PNPT1: variants seen among roughly 807,000 people sequenced by gnomAD.
PNPT1 encodes polyribonucleotide nucleotidyltransferase 1.
Under a neutral mutation model 119.5 loss-of-function variants are expected in PNPT1, and 53 were observed. The observed-to-expected ratio is 0.44, with a 90% CI of 0.36 to 0.56. The LOEUF is 0.56. Among genes scored for constraint, PNPT1 ranks in the 20% least tolerant of loss-of-function variants. The probability of loss-of-function intolerance (pLI) is 0.00; values close to 1 mark genes in which losing one functional copy is unlikely to be tolerated. For synonymous variants in PNPT1, 357 were observed against 322.1 expected (o/e 1.11, Z -1.16); for missense variants, 948 against 938.5 (o/e 1.01, Z -0.13).
intron 8 of PNPT1, among the ~76,000 whole-genome samples, 184 bp downstream of exon 8, chr2:55,679,495 GAAT>G (rs1697180365): frequency 6.6e-6 from 1 of 151,916 alleles, no homozygotes; most frequent in African/African-American, 2.4e-5. Flanking sequence ...AAATAAAATT[GAAT>G]AAAATCCTGT....
Position 55,660,333 on chromosome 2 carries a change from G to C in PNPT1, c.1248-140C>G, listed in dbSNP as rs371376687. 3.8e-5 allele frequency: 31 copies of C among 815,982 alleles called. No homozygotes were observed. In the African/African-American group the frequency reaches 5.1e-4, roughly 13 times the overall value. 50.5% of individuals were successfully genotyped at this position (815,982 alleles called of 1,614,324 possible). ...AATCAGACTGAAACTGAAAACCAAA[G>C]AATTAATTAGAAGGATGATTGTGAG... On this transcript the variant is annotated intron_variant, in intron 14 of 27. Transcript: ENST00000447944.
intron 10 of PNPT1, among the ~76,000 whole-genome samples, 185 bp downstream of exon 10, chr2:55,671,810 G>C (rs1009030895): frequency 2.6e-5 from 4 of 152,222 alleles, no homozygotes; most frequent in Non-Finnish European, 5.9e-5. Context: ...CTGGGCGACA[G>C]AGAGAGACTC....
chr2:55,691,676 C>T (rs1697604189), intron 1 of PNPT1, among the ~76,000 whole-genome samples: 1 of 151,828 alleles, frequency 6.6e-6, no homozygotes, highest in African/African-American at 2.4e-5. Context: ...ATGTTCTGGG[C>T]ATTTCTTTGA....
chr2:55,648,853 T>C (rs1237311323), intron 18 of PNPT1, among the ~76,000 whole-genome samples: 2 of 152,248 alleles, frequency 1.3e-5, no homozygotes, highest in Non-Finnish European at 2.9e-5. Context: ...GGGTTTTGCT[T>C]AGCAGAGCTT....
At chr2:55,681,890 C>A (rs1697259576) in intron 5 of PNPT1, among the ~76,000 whole-genome samples, 1 of 150,800 alleles carries the variant, frequency 6.6e-6, no homozygotes, top group African/African-American at 2.4e-5. Context: ...GCCTGTAATC[C>A]CAGCATGTTG....
At position 55,693,731 on chromosome 2, in the gene PNPT1, G is replaced by C; in HGVS notation, c.93C>G (p.Thr31=). The C allele has an allele frequency of 6.2e-7, 1 of 1,614,184 alleles. No individual in the cohort carries two copies. The highest frequency in any genetic ancestry group is 8.5e-7 in the Non-Finnish European group (1 of 1,180,042). ...FLLPRRDRAL[T]QLQVRALWSS... ...TCCATAGTGCTCGCACTTGCAACTG[G>C]GTGAGTGCCCGATCCCGCCGTGGCA... Residue 31 remains threonine (T), a synonymous_variant, in exon 1 of 28, where the codon ACC becomes ACG. Coordinates refer to ENST00000447944, the MANE Select transcript of PNPT1 (RefSeq NM_033109.5).
chr2:55,643,835 T>G (rs1050551773), intron 23 of PNPT1, among the ~76,000 whole-genome samples: 1 of 152,178 alleles, frequency 6.6e-6, no homozygotes, highest in East Asian at 1.9e-4. Context: ...GGTGGAGTTA[T>G]GCTGTATTTA....
chr2:55,666,922 T>C, intron 13 of PNPT1, 69 bp downstream of exon 13: 1 of 979,550 alleles, frequency 1.0e-6, no homozygotes, highest in South Asian at 1.7e-5. Flanking sequence ...CATCTACTAA[T>C]GTACTTCTAT....
Position 55,671,374 on chromosome 2 carries a change from A to G in PNPT1, c.921T>C (p.Val307=). 6.6e-7 allele frequency: 1 copy of G among 1,526,568 alleles called. No individual in the cohort carries two copies. Among genetic ancestry groups the G allele is most frequent in the Non-Finnish European group, 8.8e-7 (1 of 1,133,436 alleles). 94.6% of individuals were successfully genotyped at this position (1,526,568 alleles called of 1,614,324 possible). The change falls in exon 11 of 28, where the codon GTT becomes GTC. Residue 307 remains valine, a splice_region_variant and synonymous_variant. Coordinates refer to ENST00000447944, the MANE Select transcript of PNPT1 (RefSeq NM_033109.5). The stretch of plus-strand genomic sequence containing the variant: ...TTTTGTTAACAGCTTCATCTCTGGA[A>G]ACCTAAAAGAAAGTTGAGGTTCAGT... ...AVFTDYEHDK[V]SRDEAVNKIR...
intron 8 of PNPT1, among the ~76,000 whole-genome samples, chr2:55,676,262 CAAAAAAAAA>C (rs11400030): frequency 2.4e-5 from 2 of 82,852 alleles, no homozygotes; most frequent in East Asian, 4.4e-4. Context: ...CCATCTCAAC[CAAAAAAAAA>C]AAAAAAAAAA....
chr2:55,672,308 T>C (rs914495143), intron 9 of PNPT1, among the ~76,000 whole-genome samples: 2 of 152,216 alleles, frequency 1.3e-5, no homozygotes, highest in Non-Finnish European at 1.5e-5. Flanking sequence ...GTTCAATTAA[T>C]TTCACCTTTC....
At chr2:55,692,843 C>T (rs899088704) in intron 1 of PNPT1, among the ~76,000 whole-genome samples, 7 of 152,144 alleles carry the variant, frequency 4.6e-5, no homozygotes, top group Non-Finnish European at 8.8e-5. Flanking sequence ...TTCAAGTCAT[C>T]CTTCCGTCTT....
intron 24 of PNPT1, 25 bp downstream of exon 24, chr2:55,643,294 C>A (rs372852001): frequency 2.2e-5 from 35 of 1,610,976 alleles, no homozygotes; most frequent in Non-Finnish European, 3.0e-5. Flanking sequence ...CTATATGATA[C>A]GTAATTAATA....
chr2:55,691,949 C>T (rs1227074792), intron 1 of PNPT1, among the ~76,000 whole-genome samples: 8 of 139,722 alleles, frequency 5.7e-5, no homozygotes, highest in African/African-American at 1.9e-4. Context: ...TGCAATGGCA[C>T]GATCTCTGCC....
rs1412893560 is a variant in PNPT1, at chr2:55,656,054, C to T, written c.1441+77G>A. On this transcript the variant is annotated intron_variant, in intron 17 of 27. Coordinates refer to ENST00000447944, the MANE Select transcript of PNPT1 (RefSeq NM_033109.5). ...TTCTGTAGTAATAAACAAAATGTAA[C>T]ATTACATTTGAAAACTTAATAATAG... 6.7e-6 allele frequency: 10 copies of T among 1,502,128 alleles called. No individual in the cohort carries two copies. The African/African-American group carries it at 9.9e-5, about 15-fold the overall frequency. 93.0% of individuals were successfully genotyped at this position (1,502,128 alleles called of 1,614,324 possible).
chr2:55,668,006 G>C (rs1320965438), intron 11 of PNPT1, 48 bp from the exon 12 acceptor site: 1 of 1,482,128 alleles, frequency 6.7e-7, no homozygotes, highest in Non-Finnish European at 9.1e-7. Context: ...TTTTTTAGGA[G>C]ATAGGATTTC....
Position 55,634,544 on chromosome 2 carries a change from G to A in PNPT1, c.*1693C>T, listed in dbSNP as rs1695606104. On this transcript the variant is annotated 3_prime_UTR_variant, in exon 28 of 28. Coordinates refer to ENST00000447944, the MANE Select transcript of PNPT1 (RefSeq NM_033109.5). Reference sequence around the variant, plus strand: ...CCCAAAGTGCTGGAATTACAGGCATGAGCTTCTGTGCCCACCATTTTTTTT... The same window carrying A: ...CCCAAAGTGCTGGAATTACAGGCATAAGCTTCTGTGCCCACCATTTTTTTT... 1 of 150,520 alleles carries A rather than the reference G, an allele frequency of 6.6e-6. No homozygotes were observed. The highest frequency in any genetic ancestry group is 1.5e-5 in the Non-Finnish European group (1 of 67,892). 9.3% of individuals were successfully genotyped at this position (150,520 alleles called of 1,614,324 possible).
intron 18 of PNPT1, among the ~76,000 whole-genome samples, chr2:55,653,202 T>C (rs941134437): frequency 6.6e-6 from 1 of 152,168 alleles, no homozygotes; most frequent in Non-Finnish European, 1.5e-5. Context: ...CTTAAGAGTC[T>C]TGTTGAGGGT....
Position 55,635,186 on chromosome 2 carries a change from C to T in PNPT1, c.*1051G>A, listed in dbSNP as rs1695628072. On this transcript the variant is annotated 3_prime_UTR_variant, in exon 28 of 28. Coordinates refer to ENST00000447944, the MANE Select transcript of PNPT1 (RefSeq NM_033109.5). The stretch of plus-strand genomic sequence containing the variant: ...AACAACTTGACATGTGTATCAGTAA[C>T]CTCTAAACATCTATTTCAAACATCT... The T allele has an allele frequency of 1.3e-5, 2 of 152,184 alleles. No individual in the cohort carries two copies. The highest frequency in any genetic ancestry group is 2.9e-5 in the Non-Finnish European group (2 of 68,044). 9.4% of individuals were successfully genotyped at this position (152,184 alleles called of 1,614,324 possible). A position where few individuals can be genotyped will look rare whatever the true frequency, so the allele number is the denominator to read the frequency against.
Sources: allele counts gnomAD v4.1 joint callset (sites outside exome capture counted in the v4.1 genomes callset), GRCh38; gene constraint gnomAD v4.1.1; transcripts MANE v1.5; gene names NCBI Gene and HGNC (gene_info 2026-07-23, HGNC 2026-07-21).